Variants in INTS7 observed in about 807,000 individuals in gnomAD.
INTS7 encodes the protein chromosome 1 open reading frame 73.
Under a neutral mutation model 109.2 loss-of-function variants are expected in INTS7, and 46 were observed. The ratio of observed to expected loss-of-function variants is 0.42; its 90% CI spans 0.33 to 0.54. The LOEUF (loss-of-function observed/expected upper bound fraction) is 0.54. Ranked by LOEUF, INTS7 falls within the 20% of genes least tolerant of loss-of-function variation. The pLI, the probability that INTS7 is intolerant of heterozygous loss-of-function variation, is 0.07. For missense variants in INTS7, 929 were observed against 1,132.4 expected (o/e 0.82, Z 2.58); for synonymous variants, 412 against 402.9 (o/e 1.02, Z -0.27).
At chr1:211,978,873 A>G (rs1571869804) in intron 10 of INTS7, among the ~76,000 whole-genome samples, 1 of 152,188 alleles carries the variant, frequency 6.6e-6, no homozygotes, top group Admixed American at 6.5e-5. Flanking sequence ...TGTGGCTTGT[A>G]AACTATGCCA....
chr1:211,971,915 C>CAAAA (rs745814699), intron 13 of INTS7, among the ~76,000 whole-genome samples: 97 of 79,694 alleles, frequency 1.2e-3, no homozygotes, highest in Non-Finnish European at 1.7e-3. Context: ...AACTCAGTCT[C>CAAAA]AAAAAAAAAA....
chr1:212,020,948 G>A, intron 2 of INTS7, 135 bp downstream of exon 2: 2 of 798,726 alleles, frequency 2.5e-6, no homozygotes, highest in East Asian at 2.7e-5. Flanking sequence ...CTGATGTGCT[G>A]CACACAGTCA....
intron 4 of INTS7, among the ~76,000 whole-genome samples, chr1:212,013,104 A>C (rs114672834): frequency 5.9e-5 from 9 of 152,330 alleles, no homozygotes; most frequent in Non-Finnish European, 1.3e-4. Flanking sequence ...CAGTGGCCTC[A>C]AGAGATTATA....
rs574152058 is a variant in INTS7, at chr1:211,996,710, A to C, written c.880-8707T>G. ...GAATGTATCTAACAAAATATGTGCA[A>C]GATTTGTATGCTGAACTAAAAACCA... On this transcript the variant is annotated intron_variant, in intron 7 of 19. Transcript: ENST00000366994. Among the ~76,000 whole-genome samples, 10 of 152,348 alleles carry C rather than the reference A, an allele frequency of 6.6e-5. 1 individual carries two copies. The highest frequency in any genetic ancestry group is 1.0e-4 in the Non-Finnish European group (7 of 68,038).
chr1:211,957,750 G>A (rs1229809171), intron 16 of INTS7, among the ~76,000 whole-genome samples: 1 of 152,128 alleles, frequency 6.6e-6, no homozygotes, highest in Non-Finnish European at 1.5e-5. Flanking sequence ...GGTAACTGCT[G>A]TTTGTGTCCT....
In INTS7 at chr1:211,968,521, A is replaced by G; in HGVS notation, c.2002T>C (p.Ser668Pro). The change falls in exon 14 of 20, where the codon TCC becomes CCC. Residue 668 changes from serine to proline, a missense_variant. Coordinates refer to ENST00000366994, the MANE Select transcript of INTS7 (RefSeq NM_015434.4). Reference sequence around the variant, plus strand: ...TGAAAGTTAAGACATGCCTGATTGGAGATGCGACCACACCTCTGGAGGTCA... The same window carrying G: ...TGAAAGTTAAGACATGCCTGATTGGGGATGCGACCACACCTCTGGAGGTCA... ...GNDLQRCGRI[S>P]NQMKQSMEEF... is the part of the protein sequence containing the mutation. 1 of 1,611,936 alleles carries G rather than the reference A, an allele frequency of 6.2e-7. No individual in the cohort carries two copies. Among genetic ancestry groups the G allele is most frequent in the Non-Finnish European group, 8.5e-7 (1 of 1,178,948 alleles).
At position 211,959,592 on chromosome 1, in the gene INTS7, G is replaced by T. The variant is rs531570266; in HGVS notation, c.2183+6838C>A. Among the ~76,000 whole-genome samples, 4 of 152,278 alleles carry T rather than the reference G, an allele frequency of 2.6e-5. No homozygotes were observed. In the East Asian group the frequency reaches 7.7e-4, roughly 29 times the overall value. On this transcript the variant is annotated intron_variant, in intron 16 of 19. Coordinates refer to ENST00000366994, the MANE Select transcript of INTS7 (RefSeq NM_015434.4). This position sits in a 1 kb window ranked among gnomAD's most constrained non-coding sequence, Gnocchi z 4.2. ...AGATCTTGCCTCCCCAGCCCCACAA[G>T]TGCACGTTCACCTTGCCCTGCCACT...
At chr1:212,007,094 A>G (rs977734521) in intron 6 of INTS7, among the ~76,000 whole-genome samples, 156 bp downstream of exon 6, 43 of 152,072 alleles carry the variant, frequency 2.8e-4, no homozygotes, top group African/African-American at 1.0e-3. Flanking sequence ...GTGAACAGAG[A>G]GAATAAAAAA....
At chr1:212,010,502 A>G (rs1157848477) in intron 5 of INTS7, among the ~76,000 whole-genome samples, 1 of 151,964 alleles carries the variant, frequency 6.6e-6, no homozygotes, top group Non-Finnish European at 1.5e-5. Flanking sequence ...GCTCCTAATA[A>G]TATTAGCCTC....
At chr1:212,008,766 G>C (rs575889836) in intron 5 of INTS7, among the ~76,000 whole-genome samples, 2 of 152,158 alleles carry the variant, frequency 1.3e-5, no homozygotes, top group South Asian at 4.2e-4. Flanking sequence ...TTAGACCCTG[G>C]AGTCTTTCTT....
Position 211,982,664 on chromosome 1 carries a change from G to A in INTS7, c.1132+12C>T, listed in dbSNP as rs1316284220. ...AAAGTTTATACGTAATATCAGTCCT[G>A]ATCAAACTTACCCTTTTCTTGACAA... On this transcript the variant is annotated intron_variant, in intron 9 of 19. Coordinates refer to ENST00000366994, the MANE Select transcript of INTS7 (RefSeq NM_015434.4). The A allele has an allele frequency of 6.3e-6, 10 of 1,594,180 alleles. No homozygotes were observed. Among genetic ancestry groups the A allele is most frequent in the Middle Eastern group, 1.7e-4 (1 of 6,002 alleles).
intron 16 of INTS7, among the ~76,000 whole-genome samples, chr1:211,956,117 C>G (rs1415384713): frequency 6.6e-6 from 1 of 152,066 alleles, no homozygotes; most frequent in Non-Finnish European, 1.5e-5. Context: ...ATTATTTTTT[C>G]CCTTTTATAT....
Position 211,962,898 on chromosome 1 carries a change from C to A in INTS7, c.2183+3532G>T, listed in dbSNP as rs575406172. Among the ~76,000 whole-genome samples, 4 of 152,230 alleles carry A rather than the reference C, an allele frequency of 2.6e-5. No homozygotes were observed. In the South Asian group the frequency reaches 6.2e-4, roughly 24 times the overall value. On this transcript the variant is annotated intron_variant, in intron 16 of 19. Transcript: ENST00000366994. ...AGTGTTAAGAAGGAAATGTACAGCA[C>A]TAAACACCTACATCAAAAAGTTAGA...
chr1:212,014,539 T>TA (rs1666315822), intron 4 of INTS7, among the ~76,000 whole-genome samples: 1 of 150,884 alleles, frequency 6.6e-6, no homozygotes, highest in East Asian at 1.9e-4. Context: ...TAAAAAAATT[T>TA]ATCCTCTCCC....
intron 10 of INTS7, among the ~76,000 whole-genome samples, chr1:211,979,175 G>C (rs1191561040): frequency 6.6e-6 from 1 of 152,158 alleles, no homozygotes; most frequent in Admixed American, 6.5e-5. Flanking sequence ...AGATTCTTTT[G>C]TCAAGCCTCC....
At chr1:211,991,088 T>C (rs1195229703) in intron 7 of INTS7, among the ~76,000 whole-genome samples, 1 of 152,138 alleles carries the variant, frequency 6.6e-6, no homozygotes, top group Non-Finnish European at 1.5e-5. Flanking sequence ...AGAGATTACA[T>C]ATCAAGAAAT....
intron 4 of INTS7, among the ~76,000 whole-genome samples, chr1:212,015,006 T>C (rs922695885): frequency 2.7e-5 from 4 of 150,130 alleles, no homozygotes; most frequent in Non-Finnish European, 5.9e-5. Context: ...ATCTGAGAAG[T>C]GAGGAGCCCT....
intron 1 of INTS7, among the ~76,000 whole-genome samples, chr1:212,028,997 A>G (rs1667043887): frequency 6.6e-6 from 1 of 152,208 alleles, no homozygotes; most frequent in Non-Finnish European, 1.5e-5. Context: ...AGAAAGAAAG[A>G]GATTAAGATT....
In INTS7 at chr1:211,944,907, C is replaced by T. The variant is rs200347038; in HGVS notation, c.2478G>A (p.Gln826=). ...AEPIAVQNNQ[Q]LALKVEGVVQ... is the part of the protein sequence containing the mutation. The stretch of plus-strand genomic sequence containing the variant: ...CCACTCCCTCTACCTTTAGCGCCAG[C>T]TGCTGGTTATTCTGGACAGCAATGG... Residue 826 remains glutamine (Q), a synonymous_variant, in exon 19 of 20, where the codon CAG becomes CAA. Transcript: ENST00000366994. The T allele has an allele frequency of 2.9e-5, 47 of 1,614,090 alleles. No individual in the cohort carries two copies. The highest frequency in any genetic ancestry group is 1.2e-4 in the Admixed American group (7 of 60,014).
Sources: gnomAD v4.1 joint callset for allele counts (sites outside exome capture counted in the v4.1 genomes callset) on GRCh38, gnomAD v4.1.1 for gene constraint, Gnocchi (gnomAD v3.1) non-coding constraint, MANE v1.5 for transcripts, NCBI Gene and HGNC (gene_info 2026-07-23, HGNC 2026-07-21) for gene names.